The following LRRC4C variants were observed in gnomAD, a reference collection of about 807,000 sequenced individuals.
LRRC4C encodes leucine rich repeat containing 4C.
LRRC4C carries 5 observed loss-of-function variants against 33.6 expected under a neutral mutation model. That is an observed-to-expected ratio of 0.15 (90% CI 0.08 to 0.31). The LOEUF is 0.31. Among genes scored for constraint, LRRC4C ranks in the 10% least tolerant of loss-of-function variants. The probability of loss-of-function intolerance (pLI) is 1.00; values close to 1 mark genes in which losing one functional copy is unlikely to be tolerated. For missense variants in LRRC4C, 560 were observed against 796.7 expected (o/e 0.70, Z 3.58); for synonymous variants, 329 against 302.0 (o/e 1.09, Z -0.93).
chr11:40,412,815 C>A (rs1014700263), intron 3 of LRRC4C, among the ~76,000 whole-genome samples: 1 of 152,018 alleles, frequency 6.6e-6, no homozygotes, highest in Non-Finnish European at 1.5e-5. Flanking sequence ...CTTACTCTAA[C>A]ATGGCAATAA....
intron 1 of LRRC4C, among the ~76,000 whole-genome samples, chr11:40,997,368 GAA>G (rs983253737): frequency 6.6e-6 from 1 of 152,086 alleles, no homozygotes; most frequent in African/African-American, 2.4e-5. Flanking sequence ...CAAAGGAAGA[GAA>G]AGTTTCCTGA....
At chr11:41,198,426 T>C (rs537333965) in intron 1 of LRRC4C, among the ~76,000 whole-genome samples, 2 of 152,234 alleles carry the variant, frequency 1.3e-5, no homozygotes, top group South Asian at 4.1e-4. Flanking sequence ...GTATCTTTTA[T>C]CAATATCAAT....
At chr11:41,089,162 G>A (rs1229604100) in intron 1 of LRRC4C, among the ~76,000 whole-genome samples, 2 of 152,028 alleles carry the variant, frequency 1.3e-5, no homozygotes, top group Non-Finnish European at 2.9e-5. Context: ...CCAGTCAATA[G>A]AGATTTAACA....
At chr11:40,716,273 A>G (rs1946710788) in intron 2 of LRRC4C, among the ~76,000 whole-genome samples, 1 of 152,138 alleles carries the variant, frequency 6.6e-6, no homozygotes, top group African/African-American at 2.4e-5. Flanking sequence ...TAGATACATG[A>G]GTTTTTGTAG....
chr11:40,250,220 T>A (rs7925219), intron 4 of LRRC4C, among the ~76,000 whole-genome samples: 14,699 of 152,130 alleles, frequency 0.097, 2,073 homozygotes, highest in African/African-American at 0.31. Context: ...GTATCAAATA[T>A]AACTTTTGCA....
intron 2 of LRRC4C, among the ~76,000 whole-genome samples, chr11:40,832,554 G>A (rs761878442): frequency 1.3e-5 from 2 of 151,966 alleles, no homozygotes; most frequent in Non-Finnish European, 2.9e-5. Flanking sequence ...GTGCCTTGAG[G>A]ACACCTACTT....
At chr11:40,709,126 A>G (rs553630814) in intron 2 of LRRC4C, among the ~76,000 whole-genome samples, 1 of 152,194 alleles carries the variant, frequency 6.6e-6, no homozygotes, top group East Asian at 1.9e-4. Flanking sequence ...TCTCCTGAAT[A>G]CAGCACACTG....
chr11:40,583,271 T>A (rs1958559343), intron 3 of LRRC4C, among the ~76,000 whole-genome samples: 1 of 152,174 alleles, frequency 6.6e-6, no homozygotes, highest in Admixed American at 6.5e-5. Flanking sequence ...TTCCTCTTAC[T>A]CACTCTTCAC....
chr11:40,247,591 T>C (rs1405627790), intron 4 of LRRC4C, among the ~76,000 whole-genome samples: 1 of 152,154 alleles, frequency 6.6e-6, no homozygotes, highest in Non-Finnish European at 1.5e-5. Context: ...TGGGGTGGGA[T>C]TCCCAGAGCC....
intron 2 of LRRC4C, among the ~76,000 whole-genome samples, chr11:40,725,588 T>C (rs188118623): frequency 3.3e-5 from 5 of 152,192 alleles, no homozygotes; most frequent in Admixed American, 3.3e-4. Flanking sequence ...GCATTGATCT[T>C]TCACTGAGAT....
chr11:40,157,075 G>A (rs1382164268), intron 5 of LRRC4C, among the ~76,000 whole-genome samples: 6 of 151,984 alleles, frequency 3.9e-5, no homozygotes, highest in Non-Finnish European at 7.4e-5. Context: ...GCACATAGAC[G>A]AATGCAGCAG....
intron 3 of LRRC4C, among the ~76,000 whole-genome samples, chr11:40,359,294 T>C (rs1350434733): frequency 1.3e-5 from 2 of 152,222 alleles, no homozygotes; most frequent in African/African-American, 4.8e-5. Flanking sequence ...ACAAAGCCTC[T>C]GCTCTGGGGA....
intron 1 of LRRC4C, among the ~76,000 whole-genome samples, chr11:41,387,960 T>G (rs1270393574): frequency 6.6e-6 from 1 of 151,816 alleles, no homozygotes; most frequent in African/African-American, 2.4e-5. Context: ...TGATATCTTT[T>G]TAAAAAGCTT....
At chr11:41,418,727 C>T (rs1954775883) in intron 1 of LRRC4C, among the ~76,000 whole-genome samples, 1 of 151,912 alleles carries the variant, frequency 6.6e-6, no homozygotes, top group Non-Finnish European at 1.5e-5. Context: ...TAGCGGGGGT[C>T]CAGCTAAATT....
At chr11:40,689,938 G>A (rs1048522115) in intron 2 of LRRC4C, among the ~76,000 whole-genome samples, 2 of 152,058 alleles carry the variant, frequency 1.3e-5, no homozygotes, top group Admixed American at 1.3e-4. Flanking sequence ...TAACAATTTA[G>A]TCGGCTAACT....
At chr11:41,434,880 A>G (rs1955373415) in intron 1 of LRRC4C, among the ~76,000 whole-genome samples, 1 of 152,106 alleles carries the variant, frequency 6.6e-6, no homozygotes. Context: ...TACTCTTTCT[A>G]TTCTTGCCTG....
intron 3 of LRRC4C, among the ~76,000 whole-genome samples, chr11:40,597,966 A>C (rs1001364260): frequency 6.6e-6 from 1 of 152,198 alleles, no homozygotes; most frequent in Admixed American, 6.5e-5. Context: ...GTGAGCTTTG[A>C]TCAATTAAGG....
In LRRC4C at chr11:40,190,550, T is replaced by C. The variant is rs563722088; in HGVS notation, c.-95-49697A>G. ...TATGTTTTGATTGGACACAGATGCA[T>C]TTAATTAGCAGTTTGTGTCATCAAT... On this transcript the variant is annotated intron_variant, in intron 5 of 6. Transcript: ENST00000528697. Among the ~76,000 whole-genome samples the C allele has an allele frequency of 3.9e-5, 6 of 152,338 alleles. No individual in the cohort carries two copies. In the South Asian group the frequency reaches 8.3e-4, roughly 21 times the overall value.
intron 2 of LRRC4C, among the ~76,000 whole-genome samples, chr11:40,758,287 A>G (rs1211334993): frequency 6.6e-6 from 1 of 151,868 alleles, no homozygotes; most frequent in African/African-American, 2.4e-5. Flanking sequence ...TGACCTTATC[A>G]ATGACTCTGA....
Sources: allele counts gnomAD v4.1 joint callset (sites outside exome capture counted in the v4.1 genomes callset), GRCh38; gene constraint gnomAD v4.1.1; transcripts MANE v1.5; gene names NCBI Gene and HGNC (gene_info 2026-07-23, HGNC 2026-07-21).